The following SAPCD2 variants were observed in gnomAD, a reference collection of about 807,000 sequenced individuals.
SAPCD2 encodes the protein suppressor APC domain containing 2.
In SAPCD2, 34 loss-of-function variants were observed where a neutral mutation model predicts 37.8. The ratio of observed to expected loss-of-function variants is 0.90; its 90% CI spans 0.68 to 1.20. The LOEUF is 1.20. SAPCD2 is among the 50% of genes most tolerant of loss of function. The pLI is 0.00. For missense variants in SAPCD2, 572 were observed against 584.7 expected, an observed-to-expected ratio of 0.98 and a Z score of 0.22; for synonymous variants, 275 against 270.3, an observed-to-expected ratio of 1.02 and a Z score of -0.17.
intron 1 of SAPCD2, 95 bp downstream of exon 1, chr9:137,069,795 T>G: frequency 1.1e-6 from 1 of 892,040 alleles, no homozygotes; most frequent in Non-Finnish European, 1.5e-6. Context: ...GTCCCGTCCC[T>G]TGTGGGAAAT....
At position 137,070,329 on chromosome 9, in the gene SAPCD2, G is replaced by C. The variant is rs540169850; in HGVS notation, c.132C>G (p.Arg44=). ...CGATCTCGCGCAGGTGCACGCAGCC[G>C]CGCCGCCGGTCGTCCAGGATGTCGA... The part of the protein sequence containing the change: ...TLFDILDDRR[R]GCVHLREIES... The change falls in exon 1 of 6, where the codon CGC becomes CGG. Residue 44 remains arginine, a synonymous_variant. Coordinates refer to ENST00000409687, the MANE Select transcript of SAPCD2 (RefSeq NM_178448.4). 8.8e-6 allele frequency: 13 copies of C among 1,474,984 alleles called. No individual in the cohort carries two copies. The South Asian group carries it at 1.4e-4, about 16-fold the overall frequency. The allele number at this position is 1,474,984 out of a possible 1,614,324, so 91.4% of individuals were successfully genotyped here.
intron 1 of SAPCD2, among the ~76,000 whole-genome samples, chr9:137,069,642 T>C (rs1030321095): frequency 5.3e-5 from 8 of 152,142 alleles, no homozygotes; most frequent in African/African-American, 1.4e-4. Flanking sequence ...CCGGCCCTGG[T>C]GGCCTTATGC....
Position 137,070,461 on chromosome 9 carries a change from G to A in SAPCD2, c.-1C>T. On this transcript the variant is annotated 5_prime_UTR_variant, in exon 1 of 6. Transcript: ENST00000409687. Reference sequence around the variant, plus strand: ...GCTCGGCCATGGCGGCCCCGGCCATGGGCGCCCGGGATCGGTCCCCTCGTC... The same window carrying A: ...GCTCGGCCATGGCGGCCCCGGCCATAGGCGCCCGGGATCGGTCCCCTCGTC... 8.1e-7 allele frequency: 1 copy of A among 1,227,128 alleles called. No homozygotes were observed. Among genetic ancestry groups the A allele is most frequent in the Non-Finnish European group, 1.0e-6 (1 of 985,576 alleles). The allele number at this position is 1,227,128 out of a possible 1,614,324, so 76.0% of individuals were successfully genotyped here.
At chr9:137,066,492 T>C (rs563690218) in intron 1 of SAPCD2, 118 bp from the exon 2 acceptor site, 2 of 693,052 alleles carry the variant, frequency 2.9e-6, no homozygotes, top group Admixed American at 5.7e-5. Context: ...CAGCCTGGCA[T>C]GGCCCACGTG....
intron 1 of SAPCD2, among the ~76,000 whole-genome samples, chr9:137,068,229 C>T (rs1832576745): frequency 1.3e-5 from 2 of 152,208 alleles, no homozygotes; most frequent in Non-Finnish European, 2.9e-5. Flanking sequence ...GAGCACACAG[C>T]CCTTCAGGAG....
Position 137,070,495 on chromosome 9 carries a change from T to G in SAPCD2, c.-35A>C. On this transcript the variant is annotated 5_prime_UTR_variant, in exon 1 of 6. Transcript: ENST00000409687. ...GGATCGGTCCCCTCGTCCACCCGCG[T>G]GCGTCCCAGCGCGGCCCCACGGAGG... 8.4e-7 allele frequency: 1 copy of G among 1,189,248 alleles called. No homozygotes were observed. The highest frequency in any genetic ancestry group is 1.6e-5 in the African/African-American group (1 of 62,520). The allele number at this position is 1,189,248 out of a possible 1,614,324, so 73.7% of individuals were successfully genotyped here.
intron 2 of SAPCD2, 71 bp downstream of exon 2, chr9:137,066,191 C>T: frequency 8.1e-7 from 1 of 1,234,840 alleles, no homozygotes; most frequent in Non-Finnish European, 1.2e-6. Flanking sequence ...CTCAAGGCCC[C>T]CCTGCTCCCA....
intron 2 of SAPCD2, 144 bp from the exon 3 acceptor site, chr9:137,065,812 C>A (rs537868503): frequency 9.9e-7 from 1 of 1,012,026 alleles, no homozygotes; most frequent in African/African-American, 1.6e-5. Context: ...CACCCACGGA[C>A]GCACGCTTCT....
chr9:137,069,900 G>T lies in SAPCD2; in HGVS notation c.561C>A (p.Ser187Arg). The change falls in exon 1 of 6, where the codon AGC (serine) becomes AGA (arginine). Residue 187 changes from serine to arginine, a missense_variant. Physicochemically the swap from Ser to Arg is moderately radical, Grantham distance 110. Coordinates refer to ENST00000409687, the MANE Select transcript of SAPCD2 (RefSeq NM_178448.4). ...SQSAALEPSS[S>R]ADAGAVACRA... The stretch of plus-strand genomic sequence containing the variant: ...CCGTCCGGAACTCACCTGCGTCCGC[G>T]CTGGAGCTCGGTTCCAGCGCCGCGC... 1 of 1,275,990 alleles carries T rather than the reference G, an allele frequency of 7.8e-7. No individual in the cohort carries two copies. Among genetic ancestry groups the T allele is most frequent in the Non-Finnish European group, 9.9e-7 (1 of 1,009,872 alleles). The allele number at this position is 1,275,990 out of a possible 1,614,324, so 79.0% of individuals were successfully genotyped here.
rs1299205261 is a variant in SAPCD2, at chr9:137,066,299, C to T, written c.647G>A (p.Arg216Gln). 1.1e-5 allele frequency: 17 copies of T among 1,609,220 alleles called. 1 individual carries two copies. Among genetic ancestry groups the T allele is most frequent in the African/African-American group, 4.0e-5 (3 of 74,888 alleles). ...CACGCCGCTGGCGATGGTGTGCCTC[C>T]GACGTTCCCCTCGGGCACGGGGAGC... is the stretch of plus-strand genomic sequence containing the variant. ...RRAPRARGERRRHTIASGVDC... is the reference protein window; with the variant it reads ...RRAPRARGERQRHTIASGVDC... Residue 216 changes from arginine (R) to glutamine (Q), a missense_variant, in exon 2 of 6, where the codon CGG (arginine) becomes CAG (glutamine). Transcript: ENST00000409687.
chr9:137,069,192 CAG>C (rs1371797905), intron 1 of SAPCD2, among the ~76,000 whole-genome samples: 5 of 152,362 alleles, frequency 3.3e-5, no homozygotes, highest in South Asian at 4.1e-4. Flanking sequence ...TTGGGGGAGA[CAG>C]GGGACCATTC....
chr9:137,070,361 T>A lies in SAPCD2; in HGVS notation c.100A>T (p.Thr34Ser). 1.4e-6 allele frequency: 2 copies of A among 1,447,092 alleles called. No homozygotes were observed. Among genetic ancestry groups the A allele is most frequent in the Non-Finnish European group, 1.8e-6 (2 of 1,099,080 alleles). 89.6% of individuals were successfully genotyped at this position (1,447,092 alleles called of 1,614,324 possible). A position where few individuals can be genotyped will look rare whatever the true frequency, so the allele number is the denominator to read the frequency against. The stretch of plus-strand genomic sequence containing the variant: ...CGGTCGTCCAGGATGTCGAACAGGG[T>A]GCGCAGGCTCTGCAGGAAGGCGCGC... ...LPRAFLQSLR[T>S]LFDILDDRRR... Residue 34 changes from threonine (T) to serine (S), a missense_variant, in exon 1 of 6, where the codon ACC becomes TCC. Coordinates refer to ENST00000409687, the MANE Select transcript of SAPCD2 (RefSeq NM_178448.4).
Position 137,063,713 on chromosome 9 carries a change from G to GACCT in SAPCD2, c.*942_*945dup, listed in dbSNP as rs1832498491. On this transcript the variant is annotated 3_prime_UTR_variant, in exon 6 of 6. Coordinates refer to ENST00000409687, the MANE Select transcript of SAPCD2 (RefSeq NM_178448.4). ...GGGCTGAGGGAGTGACACCCAAGGG[G>GACCT]ACCTGCCCCAGCCTCCTCCTGTACC... 1 of 152,286 alleles carries GACCT rather than the reference G, an allele frequency of 6.6e-6. No individual in the cohort carries two copies. The highest frequency in any genetic ancestry group is 1.9e-4 in the East Asian group (1 of 5,196). The allele number at this position is 152,286 out of a possible 1,614,324, so 9.4% of individuals were successfully genotyped here.
Position 137,070,219 on chromosome 9 carries a change from T to A in SAPCD2, c.242A>T (p.Tyr81Phe). ...GGCCACGAAGCGCTCGAAGGTCAGG[T>A]AGCCGCTGGCCGGGGCCACCTGGCG... ...GLRQVAPASG[Y>F]LTFERFVAGL... The change falls in exon 1 of 6, where the codon TAC (tyrosine) becomes TTC (phenylalanine). Residue 81 changes from tyrosine (Y) to phenylalanine (F), a missense_variant. By Grantham distance (22) the Tyr-to-Phe change is conservative. Transcript: ENST00000409687. 7.1e-7 allele frequency: 1 copy of A among 1,400,248 alleles called. No individual in the cohort carries two copies. Among genetic ancestry groups the A allele is most frequent in the Non-Finnish European group, 9.3e-7 (1 of 1,071,476 alleles). 86.7% of individuals were successfully genotyped at this position (1,400,248 alleles called of 1,614,324 possible).
intron 1 of SAPCD2, 65 bp from the exon 2 acceptor site, chr9:137,066,439 C>G: frequency 7.8e-7 from 1 of 1,276,506 alleles, no homozygotes; most frequent in Non-Finnish European, 1.1e-6. Flanking sequence ...TGCTGAGGTG[C>G]AGCGGCCTCC....
intron 2 of SAPCD2, 82 bp from the exon 3 acceptor site, chr9:137,065,750 G>A (rs1246820306): frequency 4.0e-6 from 6 of 1,486,704 alleles, no homozygotes; most frequent in Middle Eastern, 1.8e-4. Context: ...ACCTGTGGGT[G>A]GGCACCAGAG....
In SAPCD2 at chr9:137,066,256, G is replaced by A; in HGVS notation, c.684+6C>T. Reference sequence around the variant, plus strand: ...AGAGCCCCACAGAGCCCCAGTCCCTGCTCACCAGGCCGCAGTCCACGCCGC... The same window carrying A: ...AGAGCCCCACAGAGCCCCAGTCCCTACTCACCAGGCCGCAGTCCACGCCGC... On this transcript the variant is annotated splice_donor_region_variant and intron_variant, in intron 2 of 5. Coordinates refer to ENST00000409687, the MANE Select transcript of SAPCD2 (RefSeq NM_178448.4). The A allele has an allele frequency of 6.3e-7, 1 of 1,594,746 alleles. No individual in the cohort carries two copies. Among genetic ancestry groups the A allele is most frequent in the Non-Finnish European group, 8.5e-7 (1 of 1,172,236 alleles).
intron 1 of SAPCD2, among the ~76,000 whole-genome samples, chr9:137,068,794 C>T (rs1832584851): frequency 1.3e-5 from 2 of 152,352 alleles, no homozygotes; most frequent in South Asian, 2.1e-4. Context: ...GCGTGCAATC[C>T]CATGGCTGAT....
In SAPCD2 at chr9:137,064,341, G is replaced by A. The variant is rs1288350888; in HGVS notation, c.*318C>T. ...GACCCAGGGCGGCACCGCTGGAAACGGGGGGACGCTAACTCATGGAGGGGT... is the reference window on the plus strand; with the variant it reads ...GACCCAGGGCGGCACCGCTGGAAACAGGGGGACGCTAACTCATGGAGGGGT... On this transcript the variant is annotated 3_prime_UTR_variant, in exon 6 of 6. Coordinates refer to ENST00000409687, the MANE Select transcript of SAPCD2 (RefSeq NM_178448.4). The A allele has an allele frequency of 1.9e-5, 8 of 414,558 alleles. No individual in the cohort carries two copies. Among genetic ancestry groups the A allele is most frequent in the African/African-American group, 1.3e-4 (6 of 47,958 alleles). The allele number at this position is 414,558 out of a possible 1,614,324, so 25.7% of individuals were successfully genotyped here. A position where few individuals can be genotyped will look rare whatever the true frequency, so the allele number is the denominator to read the frequency against.
Sources: gnomAD v4.1 joint callset for allele counts (sites outside exome capture counted in the v4.1 genomes callset) on GRCh38, gnomAD v4.1.1 for gene constraint, MANE v1.5 for transcripts, NCBI Gene and HGNC (gene_info 2026-07-23, HGNC 2026-07-21) for gene names.